TRAPPC8: variants seen among roughly 807,000 people sequenced by gnomAD.
The protein encoded by TRAPPC8 is trafficking protein particle complex subunit 8, also known as general sporulation gene 1 homolog.
A neutral mutation model predicts 174.3 loss-of-function variants in TRAPPC8; 54 were observed. The observed-to-expected ratio is 0.31, with a 90% CI of 0.25 to 0.39. TRAPPC8 has a LOEUF of 0.39. TRAPPC8 is among the 10% of genes least tolerant of loss of function. The probability of loss-of-function intolerance (pLI) is 1.00; values close to 1 mark genes in which losing one functional copy is unlikely to be tolerated. For missense variants in TRAPPC8, 1,531 were observed against 1,699.1 expected (o/e 0.90, Z 1.74); for synonymous variants, 630 against 579.9 (o/e 1.09, Z -1.24).
At chr18:31,870,806 T>C (rs552688674) in intron 15 of TRAPPC8, 120 bp downstream of exon 15, 89 of 949,406 alleles carry the variant, frequency 9.4e-5, no homozygotes, top group Middle Eastern at 6.9e-4. Context: ...CAGTAAATTA[T>C]GAGTTCCTAA....
At chr18:31,849,500 T>C in intron 25 of TRAPPC8, 66 bp downstream of exon 25, 1 of 1,312,844 alleles carries the variant, frequency 7.6e-7, no homozygotes, top group Non-Finnish European at 1.0e-6. Flanking sequence ...TAATATACGT[T>C]TGTGCTTAGC....
intron 11 of TRAPPC8, among the ~76,000 whole-genome samples, chr18:31,891,619 T>C (rs1436924836): frequency 6.6e-6 from 1 of 152,166 alleles, no homozygotes; most frequent in African/African-American, 2.4e-5. Context: ...GAGAAAGTAC[T>C]GAAGGTTGCT....
chr18:31,884,576 T>G (rs1772319804), intron 12 of TRAPPC8, among the ~76,000 whole-genome samples: 1 of 152,192 alleles, frequency 6.6e-6, no homozygotes, highest in South Asian at 2.1e-4. Context: ...ACAACCTCCA[T>G]CCTAAAAAAT....
intron 12 of TRAPPC8, among the ~76,000 whole-genome samples, chr18:31,878,891 TATAATG>T (rs2035289534): frequency 6.6e-6 from 1 of 152,176 alleles, no homozygotes; most frequent in African/African-American, 2.4e-5. Context: ...AAGGGAATTA[TATAATG>T]ATAAAGAGTT....
intron 3 of TRAPPC8, among the ~76,000 whole-genome samples, chr18:31,917,137 G>C (rs2037183624): frequency 7.1e-6 from 1 of 139,942 alleles, no homozygotes; most frequent in Non-Finnish European, 1.7e-5. Context: ...ACCGCATTAA[G>C]AAAACTAAGC....
chr18:31,903,151 G>A (rs1187197300), intron 9 of TRAPPC8, among the ~76,000 whole-genome samples: 1 of 151,190 alleles, frequency 6.6e-6, no homozygotes, highest in Non-Finnish European at 1.5e-5. Flanking sequence ...TGTTTTCCCT[G>A]TGACACTGGA....
chr18:31,939,157 G>A (rs2038225948), intron 1 of TRAPPC8, among the ~76,000 whole-genome samples: 2 of 151,504 alleles, frequency 1.3e-5, no homozygotes, highest in South Asian at 4.2e-4. Flanking sequence ...GTTCTAGGTG[G>A]TAAAGAATTC....
chr18:31,855,420 CTA>C (rs1180540613), intron 21 of TRAPPC8, among the ~76,000 whole-genome samples: 2 of 152,100 alleles, frequency 1.3e-5, no homozygotes, highest in Non-Finnish European at 2.9e-5. Context: ...ATTAATGGAA[CTA>C]TATAGCATAT....
chr18:31,853,717 G>A (rs2033839901), intron 22 of TRAPPC8, 132 bp downstream of exon 22: 1 of 629,774 alleles, frequency 1.6e-6, no homozygotes. Context: ...TTACAGTTAG[G>A]TAAACTAATG....
intron 1 of TRAPPC8, among the ~76,000 whole-genome samples, chr18:31,934,478 AGTCT>A (rs1302720057): frequency 2.0e-5 from 3 of 152,164 alleles, no homozygotes; most frequent in East Asian, 1.9e-4. Context: ...CTTCCCAGTC[AGTCT>A]AATTATGCAG....
chr18:31,837,968 A>T (rs910738330), intron 27 of TRAPPC8, among the ~76,000 whole-genome samples: 7 of 69,596 alleles, frequency 1.0e-4, no homozygotes, highest in East Asian at 2.4e-4. Context: ...AAAATCACTT[A>T]AAAAAAAAAA....
chr18:31,915,729 T>C (rs531880772), intron 4 of TRAPPC8, among the ~76,000 whole-genome samples: 51 of 147,690 alleles, frequency 3.5e-4, no homozygotes, highest in Non-Finnish European at 6.6e-4. Context: ...CTAAAAAAAA[T>C]ACAAAAAATT....
intron 11 of TRAPPC8, among the ~76,000 whole-genome samples, chr18:31,895,009 T>C (rs1444890759): frequency 6.6e-6 from 1 of 152,178 alleles, no homozygotes; most frequent in African/African-American, 2.4e-5. Flanking sequence ...TTAAACTGGG[T>C]TTGCTCTGCC....
intron 24 of TRAPPC8, among the ~76,000 whole-genome samples, chr18:31,851,704 G>A (rs2033712405): frequency 6.6e-6 from 1 of 151,960 alleles, no homozygotes; most frequent in Non-Finnish European, 1.5e-5. Context: ...CACTGCCCTA[G>A]AGAGTAATAG....
chr18:31,835,023 TGA>T (rs2032627427), intron 27 of TRAPPC8, among the ~76,000 whole-genome samples: 1 of 152,222 alleles, frequency 6.6e-6, no homozygotes, highest in Non-Finnish European at 1.5e-5. Context: ...TAGTTCTTAA[TGA>T]TTTCTTTCTA....
intron 12 of TRAPPC8, among the ~76,000 whole-genome samples, chr18:31,876,835 C>T (rs1311062302): frequency 6.6e-6 from 1 of 152,138 alleles, no homozygotes; most frequent in African/African-American, 2.4e-5. Flanking sequence ...AGTTTGAGAA[C>T]GTCCCAGGGA....
intron 9 of TRAPPC8, among the ~76,000 whole-genome samples, chr18:31,901,375 T>C (rs971527643): frequency 1.3e-5 from 2 of 152,132 alleles, no homozygotes; most frequent in African/African-American, 4.8e-5. Context: ...TTAAAACATA[T>C]CCTTAAAGAC....
chr18:31,880,973 A>G (rs1326814093), intron 12 of TRAPPC8, among the ~76,000 whole-genome samples: 1 of 152,038 alleles, frequency 6.6e-6, no homozygotes, highest in Non-Finnish European at 1.5e-5. Flanking sequence ...ACTACAAAAC[A>G]CTGATAAAAG....
intron 26 of TRAPPC8, among the ~76,000 whole-genome samples, chr18:31,845,898 T>C (rs947482890): frequency 6.6e-6 from 1 of 152,194 alleles, no homozygotes; most frequent in African/African-American, 2.4e-5. Flanking sequence ...TCTATTCATA[T>C]TTACTATGAA....
Sources: allele counts gnomAD v4.1 joint callset (sites outside exome capture counted in the v4.1 genomes callset), GRCh38; gene constraint gnomAD v4.1.1; transcripts MANE v1.5; gene names NCBI Gene and HGNC (gene_info 2026-07-23, HGNC 2026-07-21).